ZNF106: variants seen among roughly 807,000 people sequenced by gnomAD.
The protein encoded by ZNF106 is zinc finger protein 106.
Under a neutral mutation model 195.1 loss-of-function variants are expected in ZNF106, and 67 were observed. The ratio of observed to expected loss-of-function variants is 0.34; its 90% CI spans 0.28 to 0.42. ZNF106 has a LOEUF of 0.42. Among genes scored for constraint, ZNF106 ranks in the 10% least tolerant of loss-of-function variants. ZNF106 has a pLI of 1.00. For synonymous variants in ZNF106, 784 were observed against 818.6 expected, an observed-to-expected ratio of 0.96 and a Z score of 0.72; for missense variants, 2,118 against 2,304.5, an observed-to-expected ratio of 0.92 and a Z score of 1.66.
At chr15:42,447,367 A>C (rs2055811130) in intron 6 of ZNF106, among the ~76,000 whole-genome samples, 2 of 151,958 alleles carry the variant, frequency 1.3e-5, no homozygotes, top group African/African-American at 4.8e-5. Flanking sequence ...ATTTTAAAAT[A>C]TTATAAAATA....
chr15:42,477,456 CA>C (rs775929878), intron 1 of ZNF106, among the ~76,000 whole-genome samples: 1 of 152,164 alleles, frequency 6.6e-6, no homozygotes, highest in Non-Finnish European at 1.5e-5. Flanking sequence ...TCTAGTTTCC[CA>C]TATTAACATC....
chr15:42,450,424 C>T lies in ZNF106; in HGVS notation c.1848G>A (p.Glu616=). 1 of 1,614,160 alleles carries T rather than the reference C, an allele frequency of 6.2e-7. No homozygotes were observed. The highest frequency in any genetic ancestry group is 1.1e-5 in the South Asian group (1 of 91,080). ...TTCCATGCTTTTCCGTGTCAGATGT[C>T]TCTCCATCACTTTCATCTTCTAGTG... ...VHALEDESDG[E]TSDTEKHGTK... Residue 616 remains glutamate (E), a synonymous_variant, in exon 5 of 22, where the codon GAG becomes GAA. Coordinates refer to ENST00000564754, the MANE Select transcript of ZNF106 (RefSeq NM_001366845.3).
At chr15:42,480,582 T>C (rs1018908874) in intron 1 of ZNF106, among the ~76,000 whole-genome samples, 1 of 152,234 alleles carries the variant, frequency 6.6e-6, no homozygotes, top group Non-Finnish European at 1.5e-5. Flanking sequence ...TTAATTTTTC[T>C]ACTAGTTTTT....
intron 13 of ZNF106, among the ~76,000 whole-genome samples, chr15:42,436,863 G>C (rs982965543): frequency 1.3e-5 from 2 of 152,330 alleles, no homozygotes; most frequent in Non-Finnish European, 2.9e-5. Context: ...AACAGTCCAA[G>C]ACCACTGGTG....
intron 19 of ZNF106, 36 bp from the exon 20 acceptor site, chr15:42,421,168 T>C (rs1566994033): frequency 1.9e-6 from 3 of 1,589,032 alleles, no homozygotes; most frequent in Non-Finnish European, 2.6e-6. Context: ...CAGACCAAAA[T>C]ACATACAAAC....
rs113969434 is a variant in ZNF106 at position 42,471,452 on chromosome 15, G to A, written c.54+784C>T. Among the ~76,000 whole-genome samples, 1,194 of 152,284 alleles carry A rather than the reference G, an allele frequency of 7.8e-3. 11 individuals are homozygous for A. Among genetic ancestry groups the A allele is most frequent in the Non-Finnish European group, 0.014 (928 of 68,032 alleles). ...TAGGTCCTAAAAAGATGTTTTGGCC[G>A]GGCACAGTGGCTCATGCCTGTAATC... On this transcript the variant is annotated intron_variant, in intron 2 of 21. Transcript: ENST00000564754.
Position 42,425,028 on chromosome 15 carries a change from G to A in ZNF106, c.4999-3C>T, listed in dbSNP as rs982877808. 1.9e-6 allele frequency: 3 copies of A among 1,612,622 alleles called. No individual in the cohort carries two copies. The highest frequency in any genetic ancestry group is 1.6e-4 in the Middle Eastern group (1 of 6,062). ...AAGATCTCAAGTCGTTTGTTGTTCT[G>A]GAAAATAAGCCAAGATTACAGCTAA... On this transcript the variant is annotated splice_region_variant and splice_polypyrimidine_tract_variant and intron_variant, in intron 15 of 21. Transcript: ENST00000564754.
chr15:42,444,473 A>C (rs575091065), intron 8 of ZNF106, among the ~76,000 whole-genome samples: 1 of 152,328 alleles, frequency 6.6e-6, no homozygotes, highest in East Asian at 1.9e-4. Flanking sequence ...GTTGTTGCCC[A>C]AAACACTGAA....
At chr15:42,447,005 T>C (rs1020869830) in intron 6 of ZNF106, among the ~76,000 whole-genome samples, 4 of 152,192 alleles carry the variant, frequency 2.6e-5, no homozygotes, top group Non-Finnish European at 5.9e-5. Context: ...TTGGCATAGT[T>C]TCTACTTTAA....
intron 1 of ZNF106, among the ~76,000 whole-genome samples, chr15:42,486,652 T>C (rs1397579160): frequency 6.6e-6 from 1 of 152,006 alleles, no homozygotes; most frequent in Non-Finnish European, 1.5e-5. Flanking sequence ...GGTGATGTTC[T>C]TGTGACCAGA....
chr15:42,436,143 T>C (rs1411895085), intron 13 of ZNF106, among the ~76,000 whole-genome samples: 3 of 151,938 alleles, frequency 2.0e-5, no homozygotes, highest in African/African-American at 7.3e-5. Flanking sequence ...TTAGTAGAGA[T>C]GGGGTTTCAC....
In ZNF106 at chr15:42,450,752, C is replaced by A; in HGVS notation, c.1520G>T (p.Gly507Val). The change falls in exon 5 of 22, where the codon GGA (glycine) becomes GTA (valine). Residue 507 changes from glycine (G) to valine (V), a missense_variant. Physicochemically the swap from Gly to Val is moderately radical, Grantham distance 109. Transcript: ENST00000564754. ...CTTGTTCGAGGGATTTGAGTGTTCTCCAGGGGAAAAAAAATTTGTTTTGGT... is the reference window on the plus strand; with the variant it reads ...CTTGTTCGAGGGATTTGAGTGTTCTACAGGGGAAAAAAAATTTGTTTTGGT... ...KNTKTNFFSP[G>V]EHSNPSNKPT... The A allele has an allele frequency of 6.2e-7, 1 of 1,613,984 alleles. No individual in the cohort carries two copies. The highest frequency in any genetic ancestry group is 8.5e-7 in the Non-Finnish European group (1 of 1,179,984).
chr15:42,490,003 C>A (rs1046647176), intron 1 of ZNF106, among the ~76,000 whole-genome samples: 1 of 152,064 alleles, frequency 6.6e-6, no homozygotes, highest in Non-Finnish European at 1.5e-5. Flanking sequence ...CCCGCCACTG[C>A]ACTCCAGCCT....
intron 3 of ZNF106, among the ~76,000 whole-genome samples, chr15:42,458,113 C>T (rs1458070294): frequency 6.6e-6 from 1 of 152,044 alleles, no homozygotes; most frequent in Admixed American, 6.6e-5. Context: ...CAGCAGTATC[C>T]ATTCAACAAT....
chr15:42,423,504 G>T (rs2054743403), intron 17 of ZNF106, among the ~76,000 whole-genome samples: 1 of 152,092 alleles, frequency 6.6e-6, no homozygotes, highest in Non-Finnish European at 1.5e-5. Context: ...AGCCTCCTGA[G>T]TAGCTGGAAT....
chr15:42,418,328 C>T (rs7181977), intron 20 of ZNF106, among the ~76,000 whole-genome samples: 6,127 of 149,642 alleles, frequency 0.041, 409 homozygotes, highest in African/African-American at 0.14. Flanking sequence ...ATACAAAAGG[C>T]AAATACCTTT....
chr15:42,417,731 TAAAA>T, intron 21 of ZNF106, 70 bp downstream of exon 21: 2 of 1,470,856 alleles, frequency 1.4e-6, no homozygotes, highest in Non-Finnish European at 1.8e-6. Context: ...TTCTCAATAA[TAAAA>T]AAGGTTTGCT....
rs749730845 is a variant in ZNF106 at position 42,435,390 on chromosome 15, A to C, written c.4875T>G (p.Asn1625Lys). Residue 1625 changes from asparagine (N) to lysine (K), a missense_variant, in exon 14 of 22, where the codon AAT becomes AAG. Asn to Lys is a moderately conservative substitution (Grantham distance 94). Transcript: ENST00000564754. ...GSSDHTIRCY[N>K]VKSRECVEQL... ...TTTCTCTGGACCCACCTACCTTAAC[A>C]TTATAGCAGCGGATGGTATGGTCAC... The C allele has an allele frequency of 6.2e-7, 1 of 1,614,148 alleles. No homozygotes were observed. The highest frequency in any genetic ancestry group is 1.1e-5 in the South Asian group (1 of 91,084).
chr15:42,439,412 C>A lies in ZNF106; in HGVS notation c.4165G>T (p.Val1389Phe). 1 of 1,614,152 alleles carries A rather than the reference C, an allele frequency of 6.2e-7. No individual in the cohort carries two copies. Among genetic ancestry groups the A allele is most frequent in the East Asian group, 2.2e-5 (1 of 44,890 alleles). ...TGTTCAGTGTCACTATTCTCAGGAA[C>A]ATGGGCAGCCCGTAGACTTTTCTTC... ...RKKKSLRAAH[V>F]PENSDTEQDV... is the part of the protein sequence containing the mutation. The change falls in exon 11 of 22, where the codon GTT becomes TTT. Residue 1389 changes from valine (V) to phenylalanine (F), a missense_variant. Physicochemically the swap from Val to Phe is conservative, Grantham distance 50. Coordinates refer to ENST00000564754, the MANE Select transcript of ZNF106 (RefSeq NM_001366845.3).
Sources: gnomAD v4.1 joint callset for allele counts (sites outside exome capture counted in the v4.1 genomes callset) on GRCh38, gnomAD v4.1.1 for gene constraint, MANE v1.5 for transcripts, NCBI Gene and HGNC (gene_info 2026-07-23, HGNC 2026-07-21) for gene names.